PPARGC1B: variants seen among roughly 807,000 people sequenced by gnomAD.
The protein encoded by PPARGC1B is peroxisome proliferator-activated receptor gamma coactivator 1-beta.
In PPARGC1B, 34 loss-of-function variants were observed where a neutral mutation model predicts 101.6. The ratio of observed to expected loss-of-function variants is 0.33; its 90% CI spans 0.25 to 0.45. The LOEUF (loss-of-function observed/expected upper bound fraction) is 0.45. Ranked by LOEUF, PPARGC1B falls within the 20% of genes least tolerant of loss-of-function variation. The pLI, the probability that PPARGC1B is intolerant of heterozygous loss-of-function variation, is 1.00. For missense variants in PPARGC1B, 1,234 were observed against 1,317.6 expected (o/e 0.94, Z 0.98); for synonymous variants, 548 against 539.3 (o/e 1.02, Z -0.22).
intron 3 of PPARGC1B, among the ~76,000 whole-genome samples, chr5:149,827,095 G>C (rs1375813345): frequency 1.3e-5 from 2 of 152,250 alleles, no homozygotes; most frequent in Non-Finnish European, 2.9e-5. Flanking sequence ...AACGACAGAG[G>C]CTTCACCTGC....
intron 1 of PPARGC1B, among the ~76,000 whole-genome samples, chr5:149,790,478 C>A (rs1344328581): frequency 6.6e-6 from 1 of 152,142 alleles, no homozygotes; most frequent in Non-Finnish European, 1.5e-5. Flanking sequence ...GTCCAGACTG[C>A]TGTAGCCCCA....
intron 1 of PPARGC1B, among the ~76,000 whole-genome samples, chr5:149,736,667 G>C (rs1370772222): frequency 6.6e-6 from 1 of 152,080 alleles, no homozygotes; most frequent in African/African-American, 2.4e-5. Flanking sequence ...TTTGCCCTTA[G>C]CCCAGATGGC....
In PPARGC1B at chr5:149,836,620, G is replaced by A. The variant is rs747133052; in HGVS notation, c.2165G>A (p.Trp722Ter). 2 of 1,613,824 alleles carry A rather than the reference G, an allele frequency of 1.2e-6. No individual in the cohort carries two copies. Among genetic ancestry groups the A allele is most frequent in the Non-Finnish European group, 1.7e-6 (2 of 1,180,044 alleles). The stretch of plus-strand genomic sequence containing the variant: ...CCGTCTGGGGTTCACCTTGAGGACT[G>A]GCCCCAGCAGGGTGCCCCTTGGGCT... ...WEPSGVHLED[W>*]PQQGAPWAEA... is the part of the protein sequence containing the mutation. Residue 722 changes from tryptophan to a stop codon, truncating the protein, a stop_gained, in exon 8 of 12, where the codon TGG becomes TAG. Transcript: ENST00000309241. LOFTEE classifies it high-confidence loss of function.
At chr5:149,753,031 G>A (rs1309933104) in intron 1 of PPARGC1B, among the ~76,000 whole-genome samples, 1 of 152,050 alleles carries the variant, frequency 6.6e-6, no homozygotes, top group South Asian at 2.1e-4. Context: ...TGCCTCCTGG[G>A]TTTTTATTTT....
intron 1 of PPARGC1B, among the ~76,000 whole-genome samples, chr5:149,772,905 G>A (rs780768772): frequency 1.3e-5 from 2 of 152,178 alleles, no homozygotes; most frequent in Admixed American, 6.5e-5. Flanking sequence ...ATATTTGTGT[G>A]TGTGTTTAGT....
At chr5:149,835,708 C>T (rs1759031589) in intron 7 of PPARGC1B, among the ~76,000 whole-genome samples, 2 of 152,148 alleles carry the variant, frequency 1.3e-5, no homozygotes, top group African/African-American at 4.8e-5. Flanking sequence ...GTTTGTTGAA[C>T]GATTGGACGT....
chr5:149,773,147 C>G (rs374024645), intron 1 of PPARGC1B, among the ~76,000 whole-genome samples: 1 of 152,216 alleles, frequency 6.6e-6, no homozygotes, highest in African/African-American at 2.4e-5. Flanking sequence ...TGCTTTCAGT[C>G]TGTACCTTCT....
chr5:149,845,825 G>T lies in PPARGC1B; in HGVS notation c.2882G>T (p.Gly961Val), dbSNP rs1463704823. 6.2e-7 allele frequency: 1 copy of T among 1,614,096 alleles called. No homozygotes were observed. Among genetic ancestry groups the T allele is most frequent in the East Asian group, 2.2e-5 (1 of 44,898 alleles). ...SEHAALSLTK[G>V]AALRKRNEPS... ...CACGCGGCCCTCTCTTTGACAAAGG[G>T]CGCTGCCCTGAGGAAGCGCAACGAG... Residue 961 changes from glycine (G) to valine (V), a missense_variant, in exon 11 of 12, where the codon GGC becomes GTC. Physicochemically the swap from Gly to Val is moderately radical, Grantham distance 109. Transcript: ENST00000309241.
At position 149,830,044 on chromosome 5, in the gene PPARGC1B, AAAAAAAAAAAG is replaced by A. The variant is rs1251599132; in HGVS notation, c.466-712_466-702del. On this transcript the variant is annotated intron_variant, in intron 3 of 11. Transcript: ENST00000309241. The stretch of plus-strand genomic sequence containing the variant: ...AGACTGCATCTCAAAAAAAAAAAAA[AAAAAAAAAAAG>A]AAAAAAAAAAAAAAACAGGGTGGGT... Among the ~76,000 whole-genome samples, 215 of 126,946 alleles carry A rather than the reference AAAAAAAAAAAG, an allele frequency of 1.7e-3. 1 individual carries two copies. The highest frequency in any genetic ancestry group is 6.5e-3 in the African/African-American group (206 of 31,532). The allele number at this position is 126,946 out of a possible 152,430, so 83.3% of individuals were successfully genotyped here.
Position 149,837,632 on chromosome 5 carries a change from C to T in PPARGC1B, c.2618+559C>T. ...TTTGACCTCAGTGGAGGGATGATGC[C>T]TCATGAGCCCGCTTGCTCGTATCAT... On this transcript the variant is annotated intron_variant, in intron 8 of 11. Transcript: ENST00000309241. The surrounding 1 kb of genome is among the most constrained non-coding windows in gnomAD (Gnocchi z 4.2). 6.6e-6 allele frequency among the ~76,000 whole-genome samples: 1 copy of T among 152,182 alleles called. No individual in the cohort carries two copies. Among genetic ancestry groups the T allele is most frequent in the East Asian group, 1.9e-4 (1 of 5,196 alleles).
intron 1 of PPARGC1B, among the ~76,000 whole-genome samples, chr5:149,737,428 C>G (rs1488550546): frequency 1.3e-5 from 2 of 152,146 alleles, no homozygotes; most frequent in Admixed American, 1.3e-4. Flanking sequence ...CTCAGGCTGC[C>G]CTTTTCTGTG....
At chr5:149,753,883 G>A (rs1397139716) in intron 1 of PPARGC1B, among the ~76,000 whole-genome samples, 2 of 151,252 alleles carry the variant, frequency 1.3e-5, no homozygotes, top group Non-Finnish European at 3.0e-5. Context: ...TAGTAGAGAC[G>A]GGATTTTGCC....
Position 149,832,695 on chromosome 5 carries a change from T to C in PPARGC1B, c.622T>C (p.Ser208Pro). Residue 208 changes from serine to proline, a missense_variant, in exon 5 of 12, where the codon TCT (serine) becomes CCT (proline). Physicochemically the swap from Ser to Pro is moderately conservative, Grantham distance 74 (BLOSUM62 -1). Coordinates refer to ENST00000309241, the MANE Select transcript of PPARGC1B (RefSeq NM_133263.4). This position sits in a 1 kb window ranked among gnomAD's most constrained non-coding sequence, Gnocchi z 4.9. ...TQDKKAPMMQ[S>P]QSRSCTELHK... ...AGACAAGAAGGCTCCCATGATGCAG[T>C]CTCAGAGCCGAAGTTGTACAGAACT... 6.4e-7 allele frequency: 1 copy of C among 1,563,056 alleles called. No individual in the cohort carries two copies.
At chr5:149,764,646 G>T (rs559767869) in intron 1 of PPARGC1B, among the ~76,000 whole-genome samples, 2 of 152,274 alleles carry the variant, frequency 1.3e-5, no homozygotes, top group Admixed American at 6.5e-5. Flanking sequence ...AGTCTTTTGG[G>T]GTGGCAAGTG....
intron 1 of PPARGC1B, among the ~76,000 whole-genome samples, chr5:149,782,790 T>A (rs1475132815): frequency 6.6e-6 from 1 of 152,220 alleles, no homozygotes; most frequent in South Asian, 2.1e-4. Context: ...GGGCCGCTGC[T>A]CTAGGGTCCT....
intron 1 of PPARGC1B, among the ~76,000 whole-genome samples, chr5:149,791,307 T>A (rs1279510440): frequency 3.3e-5 from 5 of 149,758 alleles, no homozygotes; most frequent in East Asian, 2.0e-4. Context: ...AAAAAAAAAA[T>A]TTCTATTAAA....
chr5:149,743,975 T>TC (rs1754997425), intron 1 of PPARGC1B, among the ~76,000 whole-genome samples: 1 of 152,128 alleles, frequency 6.6e-6, no homozygotes. Flanking sequence ...CCCCACATCT[T>TC]CCCGGGGGAT....
chr5:149,847,704 T>C lies in PPARGC1B; in HGVS notation c.*146T>C, dbSNP rs1218275710. On this transcript the variant is annotated 3_prime_UTR_variant, in exon 12 of 12. Coordinates refer to ENST00000309241, the MANE Select transcript of PPARGC1B (RefSeq NM_133263.4). ...AGAGAGACTTGAAACTGCTGTCCTTTAAAAAAAAAAAAAATCAATGTTTAC... is the reference window on the plus strand; with the variant it reads ...AGAGAGACTTGAAACTGCTGTCCTTCAAAAAAAAAAAAAATCAATGTTTAC... The C allele has an allele frequency of 4.0e-6, 2 of 499,934 alleles. No homozygotes were observed. The highest frequency in any genetic ancestry group is 7.2e-6 in the Non-Finnish European group (2 of 278,198). 31.0% of individuals were successfully genotyped at this position (499,934 alleles called of 1,614,324 possible).
At chr5:149,752,396 G>A (rs1755345536) in intron 1 of PPARGC1B, among the ~76,000 whole-genome samples, 2 of 152,230 alleles carry the variant, frequency 1.3e-5, no homozygotes, top group Admixed American at 1.3e-4. Flanking sequence ...CTCACGCAGA[G>A]CAAGCCCCAG....
Sources: allele counts gnomAD v4.1 joint callset (sites outside exome capture counted in the v4.1 genomes callset), GRCh38; gene constraint gnomAD v4.1.1; non-coding constraint Gnocchi (gnomAD v3.1); transcripts MANE v1.5; gene names NCBI Gene and HGNC (gene_info 2026-07-23, HGNC 2026-07-21).